Variants in RAD52 observed in about 807,000 individuals in gnomAD.
RAD52 encodes the protein RAD52 DNA repair protein, also known as DNA repair protein RAD52 homolog.
Under a neutral mutation model 55.5 loss-of-function variants are expected in RAD52, and 47 were observed. The observed-to-expected ratio is 0.85, with a 90% confidence interval of 0.67 to 1.08. The LOEUF is 1.08. RAD52 is among the 50% of genes least tolerant of loss of function. The pLI is 0.00. For synonymous variants in RAD52, 184 were observed against 198.9 expected (o/e 0.92, Z 0.63); for missense variants, 468 against 522.8 (o/e 0.90, Z 1.02).
chr12:973,117 T>C (rs1326455655), intron 1 of RAD52, among the ~76,000 whole-genome samples: 1 of 152,182 alleles, frequency 6.6e-6, no homozygotes, highest in Non-Finnish European at 1.5e-5. Context: ...TCGCCCAGGC[T>C]GGAGTGCAGT....
chr12:969,915 ATAACT>A lies in RAD52; in HGVS notation c.-19+19889_-19+19893del, dbSNP rs527774850. The stretch of plus-strand genomic sequence containing the variant: ...AGACAGCATTCCATATATACTGGTG[ATAACT>A]TAATTCAGGAATTCTTGCTTCTGTT... On this transcript the variant is annotated intron_variant, in intron 1 of 11. Coordinates refer to the RAD52 transcript ENST00000430095. 5.1e-4 allele frequency among the ~76,000 whole-genome samples: 77 copies of A among 152,192 alleles called. 2 individuals are homozygous for A. The highest frequency in any genetic ancestry group is 1.8e-3 in the African/African-American group (76 of 41,458).
Position 916,826 on chromosome 12 carries a change from AG to A in RAD52, c.544-7del, listed in dbSNP as rs776182105. On this transcript the variant is annotated splice_polypyrimidine_tract_variant and splice_region_variant and intron_variant, in intron 7 of 11. Coordinates refer to ENST00000358495, the MANE Select transcript of RAD52 (RefSeq NM_134424.4). ...AAATCCACTTCAAGAGGCAACTAGA[AG>A]GAAAGAAGAAAAACAAATTCCTTCA... 6.3e-7 allele frequency: 1 copy of A among 1,591,358 alleles called. No individual in the cohort carries two copies. Among genetic ancestry groups the A allele is most frequent in the Non-Finnish European group, 8.6e-7 (1 of 1,161,350 alleles).
chr12:946,074 G>T (rs1958211123), intron 1 of RAD52, among the ~76,000 whole-genome samples: 1 of 151,974 alleles, frequency 6.6e-6, no homozygotes, highest in African/African-American at 2.4e-5. Context: ...CCCTCACACT[G>T]ATCATTTCTC....
intron 7 of RAD52, among the ~76,000 whole-genome samples, chr12:917,449 A>T (rs957481506): frequency 1.3e-5 from 2 of 152,322 alleles, no homozygotes; most frequent in East Asian, 3.9e-4. Flanking sequence ...TTGGGAAAAC[A>T]TCTCTCAATT....
intron 1 of RAD52, among the ~76,000 whole-genome samples, chr12:971,017 T>A (rs979859453): frequency 1.3e-5 from 2 of 152,240 alleles, no homozygotes; most frequent in African/African-American, 2.4e-5. Context: ...TTTATGTGCA[T>A]ATGTCACCAT....
chr12:941,843 G>A (rs537179276), intron 1 of RAD52, among the ~76,000 whole-genome samples: 1 of 152,152 alleles, frequency 6.6e-6, no homozygotes, highest in African/African-American at 2.4e-5. Flanking sequence ...CACCATGTTG[G>A]CCAGGCTGGT....
chr12:975,330 C>T (rs565898009), intron 1 of RAD52: 1 of 152,178 alleles, frequency 6.6e-6, no homozygotes, highest in African/African-American at 2.4e-5. Context: ...TGTTCAACTA[C>T]ACAATACAAA....
intron 1 of RAD52, among the ~76,000 whole-genome samples, chr12:958,039 C>T (rs1187985621): frequency 1.3e-5 from 2 of 152,172 alleles, no homozygotes; most frequent in East Asian, 1.9e-4. Flanking sequence ...ATGGCTCACT[C>T]GCGTGGCCAG....
chr12:978,214 T>C (rs1012822802), intron 1 of RAD52, among the ~76,000 whole-genome samples: 1 of 152,166 alleles, frequency 6.6e-6, no homozygotes, highest in Non-Finnish European at 1.5e-5. Flanking sequence ...CGGCTAATTT[T>C]TCTTTTTTTT....
chr12:972,481 C>G (rs547013329), intron 1 of RAD52, among the ~76,000 whole-genome samples: 2 of 151,246 alleles, frequency 1.3e-5, no homozygotes, highest in Non-Finnish European at 3.0e-5. Context: ...AAGGGTCGCT[C>G]TTAGGCCAGG....
chr12:963,290 C>T (rs1958712786), intron 1 of RAD52, among the ~76,000 whole-genome samples: 1 of 152,156 alleles, frequency 6.6e-6, no homozygotes, highest in African/African-American at 2.4e-5. Context: ...CTCATTCATT[C>T]GTTCATTCAT....
chr12:948,690 T>C (rs906199075), intron 1 of RAD52, among the ~76,000 whole-genome samples: 21 of 151,940 alleles, frequency 1.4e-4, no homozygotes, highest in Non-Finnish European at 2.5e-4. Flanking sequence ...TGAATTTAAT[T>C]GTACGTGAAT....
At chr12:976,598 G>A (rs1958938189) in intron 1 of RAD52, 1 of 152,214 alleles carries the variant, frequency 6.6e-6, no homozygotes, top group Non-Finnish European at 1.5e-5. Flanking sequence ...AGATATGAGC[G>A]TGAATGAATA....
intron 1 of RAD52, among the ~76,000 whole-genome samples, chr12:983,410 ATTTTTTTTTTTT>A (rs58498697): frequency 8.2e-6 from 1 of 121,524 alleles, no homozygotes. Flanking sequence ...TTTCCTGAAG[ATTTTTTTTTTTT>A]TTTTTTTTTT....
chr12:955,653 T>C (rs913667067), intron 1 of RAD52, among the ~76,000 whole-genome samples: 2 of 151,826 alleles, frequency 1.3e-5, no homozygotes, highest in African/African-American at 2.4e-5. Context: ...TTTTGTATTT[T>C]TGTTAGAGAC....
At chr12:919,322 T>C (rs1956581652) in intron 7 of RAD52, among the ~76,000 whole-genome samples, 2 of 152,124 alleles carry the variant, frequency 1.3e-5, no homozygotes, top group African/African-American at 2.4e-5. Flanking sequence ...GGCGGGCGCC[T>C]GTAATCCCAG....
At chr12:945,839 A>T (rs1321317560) in intron 1 of RAD52, among the ~76,000 whole-genome samples, 1 of 151,454 alleles carries the variant, frequency 6.6e-6, no homozygotes, top group African/African-American at 2.4e-5. Context: ...CCCGGCCAAC[A>T]TGGTGAAACT....
At chr12:986,440 C>T (rs1006232501) in intron 1 of RAD52, among the ~76,000 whole-genome samples, 1 of 152,026 alleles carries the variant, frequency 6.6e-6, no homozygotes, top group African/African-American at 2.4e-5. Context: ...TAGTGCACTG[C>T]AGCCTTGAAC....
chr12:981,504 G>A (rs369412320), intron 1 of RAD52, among the ~76,000 whole-genome samples: 24 of 152,212 alleles, frequency 1.6e-4, no homozygotes, highest in African/African-American at 5.1e-4. Context: ...GTATAATAGT[G>A]GGACAAGCAT....
Sources: gnomAD v4.1 joint callset for allele counts (sites outside exome capture counted in the v4.1 genomes callset) on GRCh38, gnomAD v4.1.1 for gene constraint, MANE v1.5 for transcripts, NCBI Gene and HGNC (gene_info 2026-07-23, HGNC 2026-07-21) for gene names.